The following BMP8A variants were observed in gnomAD, a reference collection of about 807,000 sequenced individuals.
BMP8A encodes the protein BMP-8A.
A neutral mutation model predicts 36.8 loss-of-function variants in BMP8A; 14 were observed. That is an observed-to-expected ratio of 0.38 (90% CI 0.25 to 0.60). The LOEUF (loss-of-function observed/expected upper bound fraction) is 0.60. BMP8A is among the 20% of genes least tolerant of loss of function. The pLI, the probability that BMP8A is intolerant of heterozygous loss-of-function variation, is 0.63. For missense variants in BMP8A, 267 were observed against 551.1 expected (o/e 0.48, Z 5.16); for synonymous variants, 120 against 237.7 (o/e 0.50, Z 4.55).
Position 39,524,632 on chromosome 1 carries a change from G to A in BMP8A, c.1060-1017G>A, listed in dbSNP as rs1162096255. 6.6e-6 allele frequency among the ~76,000 whole-genome samples: 1 copy of A among 152,124 alleles called. No individual in the cohort carries two copies. Among genetic ancestry groups the A allele is most frequent in the Admixed American group, 6.5e-5 (1 of 15,270 alleles). On this transcript the variant is annotated intron_variant, in intron 6 of 6. Transcript: ENST00000331593. The surrounding 1 kb of genome is among the most constrained non-coding windows in gnomAD (Gnocchi z 4.0). Reference sequence around the variant, plus strand: ...AGGGAGGTGATGCCGGGGTGAGCCAGGCCAGCTCCCGTAGGGCCTGGGGTT... The same window carrying A: ...AGGGAGGTGATGCCGGGGTGAGCCAAGCCAGCTCCCGTAGGGCCTGGGGTT...
intron 1 of BMP8A, among the ~76,000 whole-genome samples, chr1:39,499,703 T>G (rs955624352): frequency 1.8e-4 from 27 of 152,138 alleles, no homozygotes; most frequent in Non-Finnish European, 3.7e-4. Context: ...GGCTGAGGGC[T>G]CTCTGATTGT....
In BMP8A at chr1:39,491,834, G is replaced by C; in HGVS notation, c.-158G>C. The C allele has an allele frequency of 5.4e-6, 3 of 551,112 alleles. No homozygotes were observed. Among genetic ancestry groups the C allele is most frequent in the Non-Finnish European group, 7.0e-6 (3 of 425,666 alleles). 34.1% of individuals were successfully genotyped at this position (551,112 alleles called of 1,614,324 possible). ...TCCCGGAGCCGGGGCAGGTGCGCGC[G>C]GGGGGCGCTCCAGGGACCGCGCTGA... On this transcript the variant is annotated 5_prime_UTR_variant, in exon 1 of 7. Transcript: ENST00000331593.
intron 1 of BMP8A, among the ~76,000 whole-genome samples, chr1:39,498,501 G>C (rs571881561): frequency 1.3e-5 from 2 of 152,166 alleles, no homozygotes; most frequent in African/African-American, 4.8e-5. Flanking sequence ...GGCCTGGACC[G>C]GTAATTATGA....
At chr1:39,508,474 A>G (rs1001718989) in intron 1 of BMP8A, among the ~76,000 whole-genome samples, 2 of 152,096 alleles carry the variant, frequency 1.3e-5, no homozygotes, top group Non-Finnish European at 2.9e-5. Context: ...CAGAATCCCC[A>G]CTTCGCAGAT....
intron 3 of BMP8A, among the ~76,000 whole-genome samples, chr1:39,517,419 AATTCTC>A (rs1480086184): frequency 6.6e-6 from 1 of 151,802 alleles, no homozygotes; most frequent in Non-Finnish European, 1.5e-5. Flanking sequence ...GGGTTCAAGC[AATTCTC>A]ATGTCTCAGC....
chr1:39,522,544 C>T, intron 5 of BMP8A, 62 bp downstream of exon 5: 7 of 1,556,116 alleles, frequency 4.5e-6, no homozygotes, highest in Non-Finnish European at 6.1e-6. Context: ...AGAAGTGAAT[C>T]TGCAGGGAGG....
At position 39,525,881 on chromosome 1, in the gene BMP8A, C is replaced by T. The variant is rs569057289; in HGVS notation, c.*83C>T. 45 of 1,582,772 alleles carry T rather than the reference C, an allele frequency of 2.8e-5. No individual in the cohort carries two copies. The African/African-American group carries it at 5.0e-4, about 17-fold the overall frequency. ...GGCAGAAAACCCTTAAATGCTGTCA[C>T]AGCTCAAGCAGGAGTGTCAGGGGCC... On this transcript the variant is annotated 3_prime_UTR_variant, in exon 7 of 7. Transcript: ENST00000331593.
rs1016822462 is a variant in BMP8A at position 39,515,452 on chromosome 1, A to G, written c.673+3548A>G. On this transcript the variant is annotated intron_variant, in intron 3 of 6. Transcript: ENST00000331593. ...CCCACGGGCTACGGGACCCTGGTCC[A>G]GGAAGGGGGCGCCCCCATCCGCTAC... is the stretch of plus-strand genomic sequence containing the variant. 12 of 862,160 alleles carry G rather than the reference A, an allele frequency of 1.4e-5. No homozygotes were observed. The African/African-American group carries it at 2.2e-4, about 16-fold the overall frequency. The allele number at this position is 862,160 out of a possible 1,614,324, so 53.4% of individuals were successfully genotyped here.
intron 1 of BMP8A, among the ~76,000 whole-genome samples, chr1:39,501,972 G>T (rs1645257153): frequency 6.6e-6 from 1 of 152,162 alleles, no homozygotes; most frequent in Non-Finnish European, 1.5e-5. Context: ...GGGCGCAATG[G>T]CTCACGCCTA....
intron 3 of BMP8A, among the ~76,000 whole-genome samples, chr1:39,520,287 A>G (rs1176164835): frequency 1.3e-5 from 2 of 148,928 alleles, no homozygotes; most frequent in East Asian, 4.1e-4. Flanking sequence ...CACCATGCCC[A>G]GCTCATTTTT....
At chr1:39,509,248 CCAA>C (rs1211162515) in intron 1 of BMP8A, among the ~76,000 whole-genome samples, 1 of 152,188 alleles carries the variant, frequency 6.6e-6, no homozygotes, top group Non-Finnish European at 1.5e-5. Flanking sequence ...CCTGTGACAG[CCAA>C]CAGCATGGAC....
In BMP8A at chr1:39,491,836, G is replaced by C. The variant is rs1271118636; in HGVS notation, c.-156G>C. On this transcript the variant is annotated 5_prime_UTR_variant, in exon 1 of 7. Transcript: ENST00000331593. Reference sequence around the variant, plus strand: ...CCGGAGCCGGGGCAGGTGCGCGCGGGGGGCGCTCCAGGGACCGCGCTGAGG... The same window carrying C: ...CCGGAGCCGGGGCAGGTGCGCGCGGCGGGCGCTCCAGGGACCGCGCTGAGG... The C allele has an allele frequency of 3.5e-6, 2 of 572,822 alleles. No individual in the cohort carries two copies. Among genetic ancestry groups the C allele is most frequent in the Admixed American group, 5.9e-5 (1 of 16,852 alleles). 35.5% of individuals were successfully genotyped at this position (572,822 alleles called of 1,614,324 possible).
chr1:39,527,140 G>A lies in BMP8A; in HGVS notation c.*1342G>A, dbSNP rs1053413084. Reference sequence around the variant, plus strand: ...GAACAAGCTGGCCACCAAAATTGGCGTCACCCTGGGTGCCCACCAGCGCTG... The same window carrying A: ...GAACAAGCTGGCCACCAAAATTGGCATCACCCTGGGTGCCCACCAGCGCTG... On this transcript the variant is annotated 3_prime_UTR_variant, in exon 7 of 7. Coordinates refer to ENST00000331593, the MANE Select transcript of BMP8A (RefSeq NM_181809.4). Among the ~76,000 whole-genome samples the A allele has an allele frequency of 9.9e-5, 15 of 152,254 alleles. No individual in the cohort carries two copies. The East Asian group carries it at 1.5e-3, about 16-fold the overall frequency.
At chr1:39,516,848 CG>C (rs1645398312) in intron 3 of BMP8A, among the ~76,000 whole-genome samples, 1 of 151,934 alleles carries the variant, frequency 6.6e-6, no homozygotes, top group East Asian at 1.9e-4. Flanking sequence ...TAAAAACTGA[CG>C]AGGGAGAAAA....
intron 1 of BMP8A, among the ~76,000 whole-genome samples, chr1:39,496,470 A>C (rs955851707): frequency 1.3e-5 from 2 of 151,552 alleles, no homozygotes; most frequent in African/African-American, 4.9e-5. Flanking sequence ...TCTCAGTGTG[A>C]TCTGGGCTTT....
chr1:39,526,865 G>A lies in BMP8A; in HGVS notation c.*1067G>A, dbSNP rs1180340. On this transcript the variant is annotated 3_prime_UTR_variant, in exon 7 of 7. Transcript: ENST00000331593. ...CACAGAGCAAATGCCCCCGCAGCCTGCTCCCCTTGCCCATGGCTCATGTCA... is the reference window on the plus strand; with the variant it reads ...CACAGAGCAAATGCCCCCGCAGCCTACTCCCCTTGCCCATGGCTCATGTCA... Among the ~76,000 whole-genome samples the A allele has an allele frequency of 0.96, 146,823 of 152,256 alleles. 70,994 individuals carry two copies. The highest frequency in any genetic ancestry group is 1 in the East Asian group (5,184 of 5,184).
Position 39,528,874 on chromosome 1 carries a change from A to T in BMP8A, c.*3076A>T, listed in dbSNP as rs1727104. On this transcript the variant is annotated 3_prime_UTR_variant, in exon 7 of 7. Transcript: ENST00000331593. ...CGCCACCATACCCAGCTAATTTTTA[A>T]ATTTTTTATAGAAACCAGGTCTCAC... 143,341 of 152,164 alleles carry T rather than the reference A, an allele frequency of 0.94. 67,949 individuals carry two copies. Among genetic ancestry groups the T allele is most frequent in the East Asian group, 1 (5,163 of 5,176 alleles). 9.4% of individuals were successfully genotyped at this position (152,164 alleles called of 1,614,324 possible). A position where few individuals can be genotyped will look rare whatever the true frequency, so the allele number is the denominator to read the frequency against.
Position 39,491,900 on chromosome 1 carries a change from C to A in BMP8A, c.-92C>A, listed in dbSNP as rs1645161124. On this transcript the variant is annotated 5_prime_UTR_variant, in exon 1 of 7. Transcript: ENST00000331593. ...CCGCCGAGCCCCGCCCCCTGCTCGC[C>A]GAACTCAGCTCCCCGTTCGCCGTCG... The A allele has an allele frequency of 2.0e-6, 2 of 1,012,384 alleles. No individual in the cohort carries two copies. The highest frequency in any genetic ancestry group is 8.7e-5 in the East Asian group (1 of 11,494). 62.7% of individuals were successfully genotyped at this position (1,012,384 alleles called of 1,614,324 possible).
chr1:39,510,935 C>T (rs1645348389), intron 1 of BMP8A, among the ~76,000 whole-genome samples: 1 of 152,206 alleles, frequency 6.6e-6, no homozygotes, highest in African/African-American at 2.4e-5. Context: ...GCCTGCTGAG[C>T]ACCAGCCAGG....
Sources: allele counts gnomAD v4.1 joint callset (sites outside exome capture counted in the v4.1 genomes callset), GRCh38; gene constraint gnomAD v4.1.1; non-coding constraint Gnocchi (gnomAD v3.1); transcripts MANE v1.5; gene names NCBI Gene and HGNC (gene_info 2026-07-23, HGNC 2026-07-21).